ZBTB20: variants seen among roughly 807,000 people sequenced by gnomAD.
The protein encoded by ZBTB20 is zinc finger and BTB domain-containing protein 20.
A neutral mutation model predicts 56.9 loss-of-function variants in ZBTB20; 9 were observed. The ratio of observed to expected loss-of-function variants is 0.16; its 90% CI spans 0.10 to 0.28. The LOEUF (loss-of-function observed/expected upper bound fraction) is 0.28. ZBTB20 is among the 10% of genes least tolerant of loss of function. The pLI is 1.00. For missense variants in ZBTB20, 655 were observed against 1,003.0 expected, an observed-to-expected ratio of 0.65 and a Z score of 4.69; for synonymous variants, 417 against 420.7, an observed-to-expected ratio of 0.99 and a Z score of 0.11.
intron 2 of ZBTB20, among the ~76,000 whole-genome samples, chr3:115,069,350 TGA>T (rs1222096494): frequency 3.9e-5 from 6 of 152,264 alleles, no homozygotes; most frequent in Admixed American, 3.9e-4. Flanking sequence ...TGTGTGAAGC[TGA>T]GTGTTCGTTT....
chr3:114,974,336 C>A (rs1300156475), intron 3 of ZBTB20, 30 bp downstream of exon 3: 1 of 152,024 alleles, frequency 6.6e-6, no homozygotes, highest in African/African-American at 2.4e-5. Context: ...GAAGATAAAG[C>A]CCATTCAGGA....
chr3:114,338,933 C>T lies in ZBTB20; in HGVS notation c.*72G>A, dbSNP rs2079558297. The T allele has an allele frequency of 4.9e-6, 7 of 1,428,116 alleles. No individual in the cohort carries two copies. Among genetic ancestry groups the T allele is most frequent in the Non-Finnish European group, 6.5e-6 (7 of 1,075,566 alleles). The allele number at this position is 1,428,116 out of a possible 1,614,324, so 88.5% of individuals were successfully genotyped here. ...CCAAAACATTTCTTAAATTCTAGTG[C>T]CATAGCTTTTTTGTTTGTTTGTTTT... On this transcript the variant is annotated 3_prime_UTR_variant, in exon 12 of 12. Coordinates refer to ENST00000675478, the MANE Select transcript of ZBTB20 (RefSeq NM_001348800.3).
chr3:115,020,227 T>C (rs1170049664), intron 2 of ZBTB20, among the ~76,000 whole-genome samples: 1 of 151,184 alleles, frequency 6.6e-6, no homozygotes, highest in Non-Finnish European at 1.5e-5. Flanking sequence ...TTATTGCTTA[T>C]TCAAAAAGAC....
chr3:114,503,576 A>G (rs1427353315), intron 6 of ZBTB20, among the ~76,000 whole-genome samples: 1 of 152,218 alleles, frequency 6.6e-6, no homozygotes, highest in Non-Finnish European at 1.5e-5. Flanking sequence ...TGAAATGCAA[A>G]GAATTATCTA....
intron 2 of ZBTB20, among the ~76,000 whole-genome samples, chr3:115,064,082 T>A (rs963202970): frequency 6.6e-6 from 1 of 152,196 alleles, no homozygotes; most frequent in Non-Finnish European, 1.5e-5. Flanking sequence ...CTCTTACACA[T>A]GAAGAATCCT....
Position 114,380,281 on chromosome 3 carries a change from G to GT in ZBTB20, c.134dup (p.Asp45GlufsTer22). On this transcript the variant is annotated frameshift_variant, in exon 10 of 12. Transcript: ENST00000675478. LOFTEE classifies it high-confidence loss of function. ...AATGTGTTGAGTGGATGAGGGCTGG[G>GT]TCTGGAGACAAAACAGCTTCAAAGT... The GT allele has an allele frequency of 6.5e-7, 1 of 1,537,174 alleles. No homozygotes were observed.
At chr3:114,937,128 T>C (rs984873582) in intron 3 of ZBTB20, among the ~76,000 whole-genome samples, 5 of 152,228 alleles carry the variant, frequency 3.3e-5, no homozygotes, top group East Asian at 1.9e-4. Flanking sequence ...TTTGGGTATA[T>C]AGCCAGTAAT....
At chr3:114,572,968 T>C (rs2053597920) in intron 6 of ZBTB20, among the ~76,000 whole-genome samples, 1 of 152,236 alleles carries the variant, frequency 6.6e-6, no homozygotes. Context: ...GTGTCCTTTA[T>C]TTTCACTTGT....
chr3:114,384,110 C>CTCTCTCTCTCTCTCTCTCTCAT (rs2084753560), intron 8 of ZBTB20, among the ~76,000 whole-genome samples: 2 of 150,096 alleles, frequency 1.3e-5, no homozygotes, highest in African/African-American at 2.5e-5. Flanking sequence ...TTCTCTCTCT[C>CTCTCTCTCTCTCTCTCTCTCAT]TCTCTCTCTC....
At chr3:115,024,045 A>G (rs9862379) in intron 2 of ZBTB20, among the ~76,000 whole-genome samples, 90,410 of 150,690 alleles carry the variant, frequency 0.6, 29,935 homozygotes, top group Non-Finnish European at 0.76. Context: ...ACATGGTCTA[A>G]TGTATAGCAT....
chr3:114,632,420 G>A (rs927768577), intron 6 of ZBTB20, among the ~76,000 whole-genome samples: 3 of 152,140 alleles, frequency 2.0e-5, no homozygotes, highest in African/African-American at 4.8e-5. Context: ...TCATAAGTCC[G>A]TGTGATTCAG....
At chr3:115,086,412 A>G (rs1417387390) in intron 1 of ZBTB20, among the ~76,000 whole-genome samples, 3 of 151,804 alleles carry the variant, frequency 2.0e-5, no homozygotes, top group Non-Finnish European at 4.4e-5. Flanking sequence ...ATTTAAGAGT[A>G]TTACTAGAAC....
chr3:114,532,977 C>T (rs2048033193), intron 6 of ZBTB20, among the ~76,000 whole-genome samples: 1 of 152,146 alleles, frequency 6.6e-6, no homozygotes, highest in Non-Finnish European at 1.5e-5. Flanking sequence ...ACAAAAACCC[C>T]ATCCGAAGAT....
chr3:114,623,328 G>A lies in ZBTB20; in HGVS notation c.-295+70200C>T, dbSNP rs576173746. Among the ~76,000 whole-genome samples the A allele has an allele frequency of 3.3e-5, 5 of 152,234 alleles. No individual in the cohort carries two copies. In the South Asian group the frequency reaches 6.2e-4, roughly 19 times the overall value. ...GCAACCATCCCCACTCCATTCCTTCGACAACTTCCCAGAGCACATTCAATC... is the reference window on the plus strand; with the variant it reads ...GCAACCATCCCCACTCCATTCCTTCAACAACTTCCCAGAGCACATTCAATC... On this transcript the variant is annotated intron_variant, in intron 6 of 11. Coordinates refer to ENST00000675478, the MANE Select transcript of ZBTB20 (RefSeq NM_001348800.3).
chr3:114,448,820 T>C (rs2091429839), intron 7 of ZBTB20, among the ~76,000 whole-genome samples: 1 of 152,172 alleles, frequency 6.6e-6, no homozygotes. Context: ...GTGAATTTTT[T>C]ATTACAGAAA....
intron 1 of ZBTB20, among the ~76,000 whole-genome samples, chr3:115,101,914 A>G (rs1326921432): frequency 6.6e-6 from 1 of 152,208 alleles, no homozygotes; most frequent in African/African-American, 2.4e-5. Context: ...TCAATTAAAA[A>G]TTAAATAACT....
chr3:114,708,416 T>C (rs2063845089), intron 5 of ZBTB20, among the ~76,000 whole-genome samples: 1 of 151,972 alleles, frequency 6.6e-6, no homozygotes, highest in African/African-American at 2.4e-5. Flanking sequence ...ATTTAAAAAA[T>C]ATATGAAGAC....
intron 3 of ZBTB20, among the ~76,000 whole-genome samples, chr3:114,931,976 C>T (rs946589167): frequency 1.3e-5 from 2 of 152,188 alleles, no homozygotes; most frequent in African/African-American, 4.8e-5. Context: ...CCACACGTCA[C>T]CTAACTGGTA....
intron 2 of ZBTB20, among the ~76,000 whole-genome samples, chr3:115,056,403 T>A (rs1181873101): frequency 2.6e-5 from 4 of 152,094 alleles, no homozygotes; most frequent in Non-Finnish European, 4.4e-5. Flanking sequence ...TAACCTTATA[T>A]GTGCTCCCTC....
Sources: allele counts gnomAD v4.1 joint callset (sites outside exome capture counted in the v4.1 genomes callset), GRCh38; gene constraint gnomAD v4.1.1; transcripts MANE v1.5; gene names NCBI Gene and HGNC (gene_info 2026-07-23, HGNC 2026-07-21).